GPRC5C: variants seen among roughly 807,000 people sequenced by gnomAD.
GPRC5C encodes G protein-coupled receptor class C group 5 member C.
GPRC5C carries 22 observed loss-of-function variants against 31.4 expected under a neutral mutation model. The observed-to-expected ratio is 0.70, with a 90% confidence interval of 0.50 to 1.00. The LOEUF is 1.00. Among genes scored for constraint, GPRC5C ranks in the 50% least tolerant of loss-of-function variants. The pLI, the probability that GPRC5C is intolerant of heterozygous loss-of-function variation, is 0.00. For synonymous variants in GPRC5C, 249 were observed against 257.5 expected (o/e 0.97, Z 0.32); for missense variants, 557 against 597.2 (o/e 0.93, Z 0.70).
At chr17:74,441,067 G>T (rs973458233) in intron 2 of GPRC5C, among the ~76,000 whole-genome samples, 1 of 151,906 alleles carries the variant, frequency 6.6e-6, no homozygotes, top group Non-Finnish European at 1.5e-5. Flanking sequence ...TTGAGACGAG[G>T]AGTTCGAGAC....
chr17:74,446,024 A>G (rs1433332678), intron 3 of GPRC5C: 2 of 133,876 alleles, frequency 1.5e-5, no homozygotes, highest in Non-Finnish European at 3.1e-5. Context: ...AAAAAAAAAA[A>G]GACTCCAAAT....
Sources: allele counts gnomAD v4.1 joint callset (sites outside exome capture counted in the v4.1 genomes callset), GRCh38; gene constraint gnomAD v4.1.1; transcripts MANE v1.5; gene names NCBI Gene and HGNC (gene_info 2026-07-23, HGNC 2026-07-21).